DPP10: variants seen among roughly 807,000 people sequenced by gnomAD.
The protein encoded by DPP10 is inactive dipeptidyl peptidase 10.
Under a neutral mutation model 120.9 loss-of-function variants are expected in DPP10, and 33 were observed. The ratio of observed to expected loss-of-function variants is 0.27; its 90% CI spans 0.21 to 0.37. DPP10 has a LOEUF of 0.37. Ranked by LOEUF, DPP10 falls within the 10% of genes least tolerant of loss-of-function variation. The pLI is 1.00. For missense variants in DPP10, 816 were observed against 942.8 expected (o/e 0.87, Z 1.76); for synonymous variants, 337 against 326.1 (o/e 1.03, Z -0.36).
intron 1 of DPP10, among the ~76,000 whole-genome samples, chr2:114,950,946 C>T (rs1385683340): frequency 6.6e-6 from 1 of 152,140 alleles, no homozygotes; most frequent in African/African-American, 2.4e-5. Flanking sequence ...ATAAGGAAAG[C>T]ATCTCTTATG....
At chr2:115,183,502 T>C (rs201825554) in intron 1 of DPP10, among the ~76,000 whole-genome samples, 2 of 152,322 alleles carry the variant, frequency 1.3e-5, no homozygotes, top group East Asian at 3.9e-4. Context: ...GACTGGACTT[T>C]CTTCATTTTG....
chr2:115,683,301 G>A (rs1001598673), intron 5 of DPP10, among the ~76,000 whole-genome samples: 2 of 151,914 alleles, frequency 1.3e-5, no homozygotes, highest in African/African-American at 4.8e-5. Context: ...CAAAATTGTG[G>A]AGACAGTAAA....
chr2:115,062,039 T>G (rs944036405), intron 1 of DPP10, among the ~76,000 whole-genome samples: 1 of 151,778 alleles, frequency 6.6e-6, no homozygotes, highest in Non-Finnish European at 1.5e-5. Flanking sequence ...TAATTTGTTT[T>G]TATTTTAATT....
At chr2:115,826,406 T>A (rs62156343) in intron 21 of DPP10, among the ~76,000 whole-genome samples, 4,575 of 152,244 alleles carry the variant, frequency 0.03, 115 homozygotes, top group Non-Finnish European at 0.044. Context: ...TTCCTCTTGA[T>A]TAGTTGACCT....
At chr2:115,750,257 A>G (rs1201683633) in intron 10 of DPP10, 2 of 956,812 alleles carry the variant, frequency 2.1e-6, no homozygotes, top group Non-Finnish European at 2.5e-6. Flanking sequence ...AAGCAAGATC[A>G]GTCAATATGA....
At chr2:114,572,301 G>A (rs1689718601) in intron 1 of DPP10, among the ~76,000 whole-genome samples, 1 of 152,126 alleles carries the variant, frequency 6.6e-6, no homozygotes, top group Non-Finnish European at 1.5e-5. Flanking sequence ...GTGTTACCTA[G>A]ATGAGTATGA....
At chr2:114,553,688 A>AT (rs11374559) in intron 1 of DPP10, among the ~76,000 whole-genome samples, 8,448 of 151,596 alleles carry the variant, frequency 0.056, 666 homozygotes, top group East Asian at 0.22. Flanking sequence ...GGCTTTCTTT[A>AT]TTTTTTTTTC....
rs796790488 is a variant in DPP10 at position 114,896,177 on chromosome 2, G to A, written c.61-413062G>A. 5.5e-4 allele frequency among the ~76,000 whole-genome samples: 84 copies of A among 152,048 alleles called. 1 individual carries two copies. Among genetic ancestry groups the A allele is most frequent in the African/African-American group, 1.5e-3 (61 of 41,488 alleles). ...TGAAGTCAGGTAGCGTGATGCCTCC[G>A]GCTTTGTTCTTTTGGCTTAGGATTG... On this transcript the variant is annotated intron_variant, in intron 1 of 25. Coordinates refer to ENST00000410059, the MANE Select transcript of DPP10 (RefSeq NM_020868.6).
At chr2:114,511,453 T>C (rs1201253060) in intron 1 of DPP10, among the ~76,000 whole-genome samples, 1 of 152,200 alleles carries the variant, frequency 6.6e-6, no homozygotes, top group Admixed American at 6.5e-5. Context: ...TGCACTAAAA[T>C]GAGCAATTTA....
intron 9 of DPP10, 106 bp from the exon 10 acceptor site, chr2:115,745,980 T>C: frequency 1.3e-6 from 1 of 791,008 alleles, no homozygotes; most frequent in Non-Finnish European, 1.9e-6. Context: ...TAAACTTTTT[T>C]TCTTTTCTAA....
At chr2:114,845,632 C>CA (rs1156385989) in intron 1 of DPP10, among the ~76,000 whole-genome samples, 1 of 152,140 alleles carries the variant, frequency 6.6e-6, no homozygotes, top group Non-Finnish European at 1.5e-5. Context: ...TTGTCTCACT[C>CA]AGCTGGATGG....
chr2:114,696,462 C>A (rs1344699573), intron 1 of DPP10, among the ~76,000 whole-genome samples: 1 of 151,970 alleles, frequency 6.6e-6, no homozygotes, highest in Non-Finnish European at 1.5e-5. Flanking sequence ...TCCGTAAAGA[C>A]AATTCTTTTA....
At chr2:115,767,138 C>T (rs1465132470) in intron 12 of DPP10, among the ~76,000 whole-genome samples, 3 of 152,018 alleles carry the variant, frequency 2.0e-5, no homozygotes, top group South Asian at 2.1e-4. Context: ...AAGGAGATTT[C>T]GGATTAGAGA....
At chr2:115,645,017 A>AG (rs2087115927) in intron 5 of DPP10, among the ~76,000 whole-genome samples, 1 of 152,190 alleles carries the variant, frequency 6.6e-6, no homozygotes, top group African/African-American at 2.4e-5. Flanking sequence ...CAGATTTCAA[A>AG]GGTGAACTGT....
rs923153153 is a variant in DPP10 at position 114,987,070 on chromosome 2, G to C, written c.61-322169G>C. On this transcript the variant is annotated intron_variant, in intron 1 of 25. Transcript: ENST00000410059. ...GCTGGGATTACAGGCGTGAACCACT[G>C]CACCCGGCCTAGGATAGGTTTTCTC... is the stretch of plus-strand genomic sequence containing the variant. Among the ~76,000 whole-genome samples the C allele has an allele frequency of 3.3e-5, 5 of 152,214 alleles. No homozygotes were observed. In the East Asian group the frequency reaches 7.7e-4, roughly 24 times the overall value.
At chr2:115,554,853 C>G (rs1440783767) in intron 5 of DPP10, among the ~76,000 whole-genome samples, 1 of 152,056 alleles carries the variant, frequency 6.6e-6, no homozygotes, top group African/African-American at 2.4e-5. Flanking sequence ...ATATTGTAGT[C>G]TCTTCCCCTT....
chr2:115,464,554 T>C (rs777590447), intron 3 of DPP10, among the ~76,000 whole-genome samples: 3 of 152,086 alleles, frequency 2.0e-5, no homozygotes, highest in Non-Finnish European at 4.4e-5. Context: ...CAAACATGTG[T>C]GAATGCCCCA....
chr2:114,635,877 A>G (rs1450483693), intron 1 of DPP10, among the ~76,000 whole-genome samples: 7 of 151,962 alleles, frequency 4.6e-5, no homozygotes, highest in African/African-American at 1.7e-4. Context: ...ACATGAGGAT[A>G]TTCCAAATGT....
At chr2:114,964,099 G>T (rs2420588) in intron 1 of DPP10, among the ~76,000 whole-genome samples, 150,188 of 152,304 alleles carry the variant, frequency 0.99, 74,078 homozygotes, top group Non-Finnish European at 1. Context: ...ATATTTGATT[G>T]CCTTATTTGT....
Sources: allele counts gnomAD v4.1 joint callset (sites outside exome capture counted in the v4.1 genomes callset), GRCh38; gene constraint gnomAD v4.1.1; transcripts MANE v1.5; gene names NCBI Gene and HGNC (gene_info 2026-07-23, HGNC 2026-07-21).